Variants in LYN observed in about 807,000 individuals in gnomAD.
LYN encodes LYN proto-oncogene, Src family tyrosine kinase.
Under a neutral mutation model 65.0 loss-of-function variants are expected in LYN, and 12 were observed. The observed-to-expected ratio is 0.18, with a 90% CI of 0.12 to 0.30. The LOEUF is 0.30. Ranked by LOEUF, LYN falls within the 10% of genes least tolerant of loss-of-function variation. The pLI is 1.00. For synonymous variants in LYN, 222 were observed against 221.2 expected (o/e 1.00, Z -0.03); for missense variants, 380 against 623.2 (o/e 0.61, Z 4.16).
At chr8:55,919,794 G>A (rs1805892114) in intron 1 of LYN, among the ~76,000 whole-genome samples, 1 of 152,154 alleles carries the variant, frequency 6.6e-6, no homozygotes, top group Non-Finnish European at 1.5e-5. Flanking sequence ...GTCTGGGTGA[G>A]CAGTTGAACG....
rs1808860358 is a variant in LYN at position 56,013,150 on chromosome 8, T to C, written c.*3040T>C. ...GTCCCAAGGGTGCATAAAAGGATAA[T>C]AACTAAAAGGAGGGAATTAATTTTG... On this transcript the variant is annotated 3_prime_UTR_variant, in exon 13 of 13. Coordinates refer to ENST00000519728, the MANE Select transcript of LYN (RefSeq NM_002350.4). 6.6e-6 allele frequency: 1 copy of C among 152,168 alleles called. No homozygotes were observed. The highest frequency in any genetic ancestry group is 1.5e-5 in the Non-Finnish European group (1 of 68,068). The allele number at this position is 152,168 out of a possible 1,614,324, so 9.4% of individuals were successfully genotyped here.
intron 1 of LYN, among the ~76,000 whole-genome samples, chr8:55,911,065 TTATATATATATACA>T (rs1162939713): frequency 1.9e-4 from 4 of 21,250 alleles, no homozygotes; most frequent in Non-Finnish European, 3.2e-4. Context: ...TCCGGCTAAT[TTATATATATATACA>T]TACATATATA....
At chr8:56,007,437 G>T (rs1808702871) in intron 12 of LYN, among the ~76,000 whole-genome samples, 2 of 152,224 alleles carry the variant, frequency 1.3e-5, no homozygotes, top group Admixed American at 6.5e-5. Flanking sequence ...ATTTTAGTTA[G>T]AAAATTCTAG....
At chr8:55,970,354 C>A (rs1246018473) in intron 10 of LYN, among the ~76,000 whole-genome samples, 1 of 152,070 alleles carries the variant, frequency 6.6e-6, no homozygotes. Flanking sequence ...TCACATGTTT[C>A]CTGAAGTGTA....
At chr8:55,889,724 A>T (rs953580552) in intron 1 of LYN, among the ~76,000 whole-genome samples, 6 of 152,104 alleles carry the variant, frequency 3.9e-5, no homozygotes, top group Admixed American at 3.9e-4. Flanking sequence ...CCCAGAAATC[A>T]CTCTGAATGG....
chr8:55,887,575 T>TACACACACACACACACACACACAC (rs372547745), intron 1 of LYN, among the ~76,000 whole-genome samples: 2,658 of 91,822 alleles, frequency 0.029, 105 homozygotes, highest in East Asian at 0.08. Flanking sequence ...TATATATATA[T>TACACACACACACACACACACACAC]ACACACACAC....
chr8:55,984,527 A>G (rs1441594431), intron 10 of LYN, among the ~76,000 whole-genome samples: 1 of 152,246 alleles, frequency 6.6e-6, no homozygotes, highest in Admixed American at 6.5e-5. Context: ...TTTACATTGT[A>G]TATCCAATTC....
intron 1 of LYN, among the ~76,000 whole-genome samples, chr8:55,898,522 C>T (rs1805180362): frequency 6.6e-6 from 1 of 152,168 alleles, no homozygotes; most frequent in East Asian, 1.9e-4. Flanking sequence ...CTCCTGGACT[C>T]AAGTGATTCA....
chr8:55,903,517 A>C (rs368244865), intron 1 of LYN, among the ~76,000 whole-genome samples: 239 of 152,336 alleles, frequency 1.6e-3, no homozygotes, highest in African/African-American at 5.2e-3. Context: ...TCATGAGCTG[A>C]ATAGTTTGAA....
intron 10 of LYN, among the ~76,000 whole-genome samples, chr8:55,972,719 G>T (rs1807643576): frequency 1.3e-5 from 2 of 152,126 alleles, no homozygotes; most frequent in African/African-American, 4.8e-5. Flanking sequence ...CATGACAATA[G>T]AATTATTATT....
chr8:55,925,178 A>G (rs1806070732), intron 1 of LYN, among the ~76,000 whole-genome samples: 1 of 152,060 alleles, frequency 6.6e-6, no homozygotes, highest in Non-Finnish European at 1.5e-5. Flanking sequence ...GCTAGGGTGC[A>G]GTGGTGCAAT....
At chr8:55,902,516 A>G (rs2012149) in intron 1 of LYN, among the ~76,000 whole-genome samples, 12,908 of 150,918 alleles carry the variant, frequency 0.086, 772 homozygotes, top group African/African-American at 0.17. Flanking sequence ...TAGAAGTTGA[A>G]TTGTACAAAG....
chr8:55,973,630 G>GT (rs766491825), intron 10 of LYN, among the ~76,000 whole-genome samples: 2 of 152,214 alleles, frequency 1.3e-5, no homozygotes, highest in Non-Finnish European at 2.9e-5. Flanking sequence ...GGAAAGAGCA[G>GT]TGAAAAATTT....
At chr8:55,911,783 T>G (rs1805646435) in intron 1 of LYN, among the ~76,000 whole-genome samples, 1 of 152,240 alleles carries the variant, frequency 6.6e-6, no homozygotes, top group Admixed American at 6.5e-5. Context: ...GAATTTGATT[T>G]GAAGATTGAG....
chr8:55,997,001 A>C (rs1242656504), intron 10 of LYN, among the ~76,000 whole-genome samples: 1 of 152,032 alleles, frequency 6.6e-6, no homozygotes, highest in African/African-American at 2.4e-5. Context: ...TCTGTACTAA[A>C]AATACAAAAA....
intron 10 of LYN, among the ~76,000 whole-genome samples, chr8:55,982,275 C>G (rs1387316797): frequency 6.6e-6 from 1 of 151,924 alleles, no homozygotes; most frequent in Non-Finnish European, 1.5e-5. Flanking sequence ...ATTCAAAATG[C>G]TTAGGTCCAG....
intron 1 of LYN, among the ~76,000 whole-genome samples, chr8:55,901,776 C>T (rs79726138): frequency 0.039 from 5,957 of 152,274 alleles, 138 homozygotes; most frequent in Non-Finnish European, 0.054. Flanking sequence ...GGCTAGGAAC[C>T]GGCTCCCAGC....
chr8:55,999,603 G>T, intron 12 of LYN, 54 bp downstream of exon 12: 1 of 1,546,188 alleles, frequency 6.5e-7, no homozygotes. Flanking sequence ...AAAAAGTCAG[G>T]TTGCATGAAG....
At chr8:55,957,743 G>T (rs1807161057) in intron 8 of LYN, among the ~76,000 whole-genome samples, 1 of 152,168 alleles carries the variant, frequency 6.6e-6, no homozygotes, top group Non-Finnish European at 1.5e-5. Context: ...AGAAGTTCAA[G>T]ACTAGTCTGG....
Sources: allele counts gnomAD v4.1 joint callset (sites outside exome capture counted in the v4.1 genomes callset), GRCh38; gene constraint gnomAD v4.1.1; transcripts MANE v1.5; gene names NCBI Gene and HGNC (gene_info 2026-07-23, HGNC 2026-07-21).